RASGRP2: variants seen among roughly 807,000 people sequenced by gnomAD.
The protein encoded by RASGRP2 is RAS guanyl releasing protein 2, also known as RAS guanyl-releasing protein 2.
Under a neutral mutation model 71.0 loss-of-function variants are expected in RASGRP2, and 44 were observed. The observed-to-expected ratio is 0.62, with a 90% confidence interval of 0.49 to 0.80. The LOEUF (loss-of-function observed/expected upper bound fraction) is 0.80. Among genes scored for constraint, RASGRP2 ranks in the 30% least tolerant of loss-of-function variants. The pLI is 0.00. For missense variants in RASGRP2, 663 were observed against 813.4 expected (o/e 0.82, Z 2.25); for synonymous variants, 350 against 330.7 (o/e 1.06, Z -0.63).
chr11:64,735,695 CAG>C lies in RASGRP2; in HGVS notation c.1174-33_1174-32del. 1 of 1,596,668 alleles carries C rather than the reference CAG, an allele frequency of 6.3e-7. No individual in the cohort carries two copies. ...GAAATGGTCGGGCCTGAGCTAGGGC[CAG>C]AGGCAGGGGAAGCCCAGAGCCCCGG... On this transcript the variant is annotated intron_variant, in intron 10 of 16. Coordinates refer to ENST00000394432, the MANE Select transcript of RASGRP2 (RefSeq NM_001098671.2). The surrounding 1 kb of genome is among the most constrained non-coding windows in gnomAD (Gnocchi z 4.2).
chr11:64,729,653 A>G, intron 14 of RASGRP2, 109 bp downstream of exon 14: 1 of 1,360,856 alleles, frequency 7.3e-7, no homozygotes, highest in South Asian at 1.2e-5. Flanking sequence ...CTCTGATTTT[A>G]AGGTACTTCA....
At chr11:64,736,087 G>A (rs2057929576) in intron 9 of RASGRP2, 107 bp from the exon 10 acceptor site, 1 of 857,584 alleles carries the variant, frequency 1.2e-6, no homozygotes, top group Admixed American at 1.9e-5. Flanking sequence ...GCTCGGGTCA[G>A]AAGCTAGACT....
At chr11:64,736,545 C>T (rs1032724056) in intron 9 of RASGRP2, among the ~76,000 whole-genome samples, 1 of 152,208 alleles carries the variant, frequency 6.6e-6, no homozygotes, top group African/African-American at 2.4e-5. Context: ...CCACAGTCCA[C>T]ATACCAGCCT....
chr11:64,729,076 C>T (rs1316737001), intron 14 of RASGRP2, 34 bp from the exon 15 acceptor site: 1 of 1,562,554 alleles, frequency 6.4e-7, no homozygotes, highest in Admixed American at 1.8e-5. Context: ...CAGCCAGGGA[C>T]ATTGGTCAGA....
At chr11:64,745,012 G>A (rs915347072), upstream of RASGRP2, 8 of 150,896 alleles carry the variant, frequency 5.3e-5, no homozygotes, top group African/African-American at 7.3e-5. Flanking sequence ...CCCCTCCCCT[G>A]CCGCGCCGCC....
rs765447795 is a variant in RASGRP2, at chr11:64,743,908, G to GC, written c.-72+94dup. Reference sequence around the variant, plus strand: ...AGGCGTCCGCACTTACACGCACCGGGCCACAGGCACCGGCCTCCCATCCTC... The same window carrying GC: ...AGGCGTCCGCACTTACACGCACCGGGCCCACAGGCACCGGCCTCCCATCCTC... On this transcript the variant is annotated intron_variant, in intron 1 of 16. Transcript: ENST00000394432. This position sits in a 1 kb window ranked among gnomAD's most constrained non-coding sequence, Gnocchi z 4.9. The GC allele has an allele frequency of 5.7e-5, 51 of 894,820 alleles. No homozygotes were observed. The highest frequency in any genetic ancestry group is 6.9e-5 in the Non-Finnish European group (51 of 737,634). 55.4% of individuals were successfully genotyped at this position (894,820 alleles called of 1,614,324 possible). A position where few individuals can be genotyped will look rare whatever the true frequency, so the allele number is the denominator to read the frequency against.
chr11:64,730,967 C>G (rs1299411143), intron 12 of RASGRP2, among the ~76,000 whole-genome samples: 1 of 152,180 alleles, frequency 6.6e-6, no homozygotes, highest in Non-Finnish European at 1.5e-5. Flanking sequence ...GGGACTGGCC[C>G]TCGCTTGAGA....
chr11:64,737,066 C>T, intron 8 of RASGRP2, 32 bp from the exon 9 acceptor site: 2 of 1,612,190 alleles, frequency 1.2e-6, no homozygotes, highest in Non-Finnish European at 1.7e-6. Flanking sequence ...GTCATACCCC[C>T]ACAACTATCC....
At position 64,743,181 on chromosome 11, in the gene RASGRP2, A is replaced by T. The variant is rs1186890935; in HGVS notation, c.-71-244T>A. The T allele has an allele frequency of 6.9e-6, 4 of 577,282 alleles. No individual in the cohort carries two copies. Among genetic ancestry groups the T allele is most frequent in the Non-Finnish European group, 1.3e-5 (4 of 305,442 alleles). 35.8% of individuals were successfully genotyped at this position (577,282 alleles called of 1,614,324 possible). On this transcript the variant is annotated intron_variant, in intron 1 of 16. Transcript: ENST00000394432. The surrounding 1 kb of genome is among the most constrained non-coding windows in gnomAD (Gnocchi z 4.9). ...GGGAAGGCCGAGGGGCTTCACGAGG[A>T]TGGGGACGAACCAAGATCCCAGGAC...
rs534579271 is a variant in RASGRP2 at position 64,728,983 on chromosome 11, T to C, written c.1651A>G (p.Arg551Gly). 2.5e-6 allele frequency: 4 copies of C among 1,609,826 alleles called. No homozygotes were observed. The South Asian group carries it at 3.3e-5, about 13-fold the overall frequency. ...CCCTCCAGGCTCACACTCTGGGCCC[T>C]GCGCCGACACTCAACTGACAGGCGA... ...KDRLSVECRR[R>G]AQSVSLEGSA... Residue 551 changes from arginine (R) to glycine (G), a missense_variant, in exon 15 of 17, where the codon AGG becomes GGG. Coordinates refer to ENST00000394432, the MANE Select transcript of RASGRP2 (RefSeq NM_001098671.2).
chr11:64,737,346 C>G, intron 8 of RASGRP2: 1 of 415,724 alleles, frequency 2.4e-6, no homozygotes, highest in East Asian at 5.1e-5. Flanking sequence ...CCTGGAAGAA[C>G]ATACTCAGCC....
chr11:64,741,065 G>A lies in RASGRP2; in HGVS notation c.254C>T (p.Ala85Val). 1 of 1,613,164 alleles carries A rather than the reference G, an allele frequency of 6.2e-7. No homozygotes were observed. The highest frequency in any genetic ancestry group is 2.2e-5 in the East Asian group (1 of 44,868). ...GTTCAAGTCAAACTCCGCTGGGAAG[G>A]CGGAGATCCAGTACCTGGAGGAGCG... ...TCHLVRYWISAFPAEFDLNPE... is the reference protein window; with the variant it reads ...TCHLVRYWISVFPAEFDLNPE... The change falls in exon 5 of 17, where the codon GCC becomes GTC. Residue 85 changes from alanine to valine, a missense_variant. Transcript: ENST00000394432.
In RASGRP2 at chr11:64,739,453, G is replaced by T. The variant is rs766819833; in HGVS notation, c.720C>A (p.Phe240Leu). ...CCCCGACCACTGCCATCAGCGTGTT[G>T]AAGTTCTGCAGCTGTAGCAGCTTCT... The part of the protein sequence containing the change: ...VAEKLLQLQN[F>L]NTLMAVVGGL... The change falls in exon 8 of 17, where the codon TTC becomes TTA. Residue 240 changes from phenylalanine to leucine, a missense_variant. Phe to Leu is a conservative substitution (Grantham distance 22). Transcript: ENST00000394432. This position sits in a 1 kb window ranked among gnomAD's most constrained non-coding sequence, Gnocchi z 4.2. 1.2e-6 allele frequency: 2 copies of T among 1,614,228 alleles called. No individual in the cohort carries two copies. Among genetic ancestry groups the T allele is most frequent in the South Asian group, 2.2e-5 (2 of 91,088 alleles).
At chr11:64,744,426 C>T, upstream of RASGRP2, 2 of 486,254 alleles carry the variant, frequency 4.1e-6, no homozygotes, top group Non-Finnish European at 5.4e-6. Flanking sequence ...CTGGCTCTAC[C>T]GCTTCCTCGT....
Position 64,743,622 on chromosome 11 carries a change from C to A in RASGRP2, c.-72+381G>T. ...TCCCAGGCCACCTCCGCAAAGGTCC[C>A]AGGGGTCCCGGCTCAGCTTGTCCAC... On this transcript the variant is annotated intron_variant, in intron 1 of 16. Transcript: ENST00000394432. The surrounding 1 kb of genome is among the most constrained non-coding windows in gnomAD (Gnocchi z 4.9). 2.4e-6 allele frequency: 1 copy of A among 414,236 alleles called. No homozygotes were observed. Among genetic ancestry groups the A allele is most frequent in the Non-Finnish European group, 4.8e-6 (1 of 209,146 alleles). 25.7% of individuals were successfully genotyped at this position (414,236 alleles called of 1,614,324 possible). A position where few individuals can be genotyped will look rare whatever the true frequency, so the allele number is the denominator to read the frequency against.
At position 64,743,827 on chromosome 11, in the gene RASGRP2, G is replaced by A. The variant is rs2058224577; in HGVS notation, c.-72+176C>T. 4.9e-5 allele frequency: 14 copies of A among 287,342 alleles called. No homozygotes were observed. The South Asian group carries it at 5.3e-4, about 11-fold the overall frequency. 17.8% of individuals were successfully genotyped at this position (287,342 alleles called of 1,614,324 possible). A position where few individuals can be genotyped will look rare whatever the true frequency, so the allele number is the denominator to read the frequency against. On this transcript the variant is annotated intron_variant, in intron 1 of 16. Coordinates refer to ENST00000394432, the MANE Select transcript of RASGRP2 (RefSeq NM_001098671.2). The surrounding 1 kb of genome is among the most constrained non-coding windows in gnomAD (Gnocchi z 4.9). ...CGGGGTCATACGCACCCTGGCAGGGGCAAACACTCCACACCCAAGTTATTC... is the reference window on the plus strand; with the variant it reads ...CGGGGTCATACGCACCCTGGCAGGGACAAACACTCCACACCCAAGTTATTC...
chr11:64,736,942 C>CG lies in RASGRP2; in HGVS notation c.905dup (p.Ile303AspfsTer18). ...GGTCCTTGAGGTGCACACCCAGGAT[C>CG]GGGAAGCGGAAGCCCACACAGGCTG... On this transcript the variant is annotated frameshift_variant, in exon 9 of 17. Transcript: ENST00000394432. LOFTEE classifies it high-confidence loss of function. 1 of 1,613,890 alleles carries CG rather than the reference C, an allele frequency of 6.2e-7. No homozygotes were observed.
chr11:64,737,268 G>A, intron 8 of RASGRP2: 1 of 572,016 alleles, frequency 1.7e-6, no homozygotes, highest in Non-Finnish European at 3.1e-6. Flanking sequence ...AGGCCTGGAT[G>A]CAGGGAATCA....
chr11:64,734,864 C>A (rs1329305006), intron 12 of RASGRP2, among the ~76,000 whole-genome samples: 3 of 152,190 alleles, frequency 2.0e-5, no homozygotes, highest in African/African-American at 4.8e-5. Context: ...TAGCCACAGT[C>A]CCCAGGTCAC....
Sources: gnomAD v4.1 joint callset for allele counts (sites outside exome capture counted in the v4.1 genomes callset) on GRCh38, gnomAD v4.1.1 for gene constraint, Gnocchi (gnomAD v3.1) non-coding constraint, MANE v1.5 for transcripts, NCBI Gene and HGNC (gene_info 2026-07-23, HGNC 2026-07-21) for gene names.